The following CAPZB variants were observed in gnomAD, a reference collection of about 807,000 sequenced individuals.
CAPZB encodes the protein capping actin protein of muscle Z-line subunit beta, also known as F-actin-capping protein subunit beta.
In CAPZB, 2 loss-of-function variants were observed where a neutral mutation model predicts 38.1. The ratio of observed to expected loss-of-function variants is 0.05; its 90% CI spans 0.02 to 0.17. The LOEUF (loss-of-function observed/expected upper bound fraction) is 0.17. Among genes scored for constraint, CAPZB ranks in the 10% least tolerant of loss-of-function variants. CAPZB has a pLI of 1.00. For missense variants in CAPZB, 161 were observed against 334.2 expected (o/e 0.48, Z 4.04); for synonymous variants, 107 against 127.4 (o/e 0.84, Z 1.08).
In CAPZB at chr1:19,461,794, C is replaced by T. The variant is rs11576376; in HGVS notation, c.3+23642G>A. Among the ~76,000 whole-genome samples, 355 of 152,224 alleles carry T rather than the reference C, an allele frequency of 2.3e-3. 1 individual carries two copies. The highest frequency in any genetic ancestry group is 8.3e-3 in the African/African-American group (344 of 41,542). ...GGATCACCAGAAACATCATAACAGGCGAATTACCTACCCTCACTGAGCCTC... is the reference window on the plus strand; with the variant it reads ...GGATCACCAGAAACATCATAACAGGTGAATTACCTACCCTCACTGAGCCTC... On this transcript the variant is annotated intron_variant, in intron 1 of 8. Transcript: ENST00000264202.
intron 2 of CAPZB, among the ~76,000 whole-genome samples, chr1:19,402,871 A>C (rs2094310614): frequency 1.3e-5 from 2 of 152,118 alleles, no homozygotes; most frequent in Admixed American, 1.3e-4. Context: ...AACATGGTGA[A>C]ACTCCATCTC....
intron 4 of CAPZB, among the ~76,000 whole-genome samples, chr1:19,366,745 T>C (rs977141618): frequency 6.6e-6 from 1 of 152,146 alleles, no homozygotes; most frequent in Non-Finnish European, 1.5e-5. Context: ...ACTGATTTTA[T>C]GGCAAAGAGG....
chr1:19,366,650 T>C (rs965408299), intron 4 of CAPZB, among the ~76,000 whole-genome samples: 1 of 152,048 alleles, frequency 6.6e-6, no homozygotes, highest in Non-Finnish European at 1.5e-5. Context: ...ATGGCGCCAC[T>C]GCACTCCAGC....
intron 1 of CAPZB, among the ~76,000 whole-genome samples, chr1:19,435,684 C>G (rs1392154264): frequency 6.6e-6 from 1 of 152,162 alleles, no homozygotes; most frequent in Non-Finnish European, 1.5e-5. Flanking sequence ...GTCTCAGATG[C>G]AGAAACTGAG....
chr1:19,424,861 C>CATGT (rs2094416702), intron 1 of CAPZB, among the ~76,000 whole-genome samples: 1 of 152,260 alleles, frequency 6.6e-6, no homozygotes, highest in Admixed American at 6.5e-5. Flanking sequence ...AACTGGGCTA[C>CATGT]AGTTCAACAA....
In CAPZB at chr1:19,364,296, G is replaced by T. The variant is rs182702354; in HGVS notation, c.330-6733C>A. The stretch of plus-strand genomic sequence containing the variant: ...ATTCCAGGATTTGGTGGTTGCATCA[G>T]GGCCTGTATGAGGCAGACTGAGCAC... On this transcript the variant is annotated intron_variant, in intron 4 of 8. Transcript: ENST00000264202. Among the ~76,000 whole-genome samples, 123 of 152,350 alleles carry T rather than the reference G, an allele frequency of 8.1e-4. 2 individuals are homozygous for T. The South Asian group carries it at 0.023, about 28-fold the overall frequency.
intron 8 of CAPZB, among the ~76,000 whole-genome samples, chr1:19,341,586 T>G (rs899088669): frequency 6.6e-6 from 1 of 152,218 alleles, no homozygotes; most frequent in African/African-American, 2.4e-5. Flanking sequence ...TTGGAGACAG[T>G]GCTCGACTCT....
chr1:19,370,495 G>A (rs970767248), intron 4 of CAPZB, among the ~76,000 whole-genome samples: 2 of 152,188 alleles, frequency 1.3e-5, no homozygotes, highest in African/African-American at 2.4e-5. Flanking sequence ...TGGGCTTGAC[G>A]GCATGTGTGA....
chr1:19,350,519 A>C (rs1342426775), intron 6 of CAPZB, among the ~76,000 whole-genome samples: 1 of 152,264 alleles, frequency 6.6e-6, no homozygotes, highest in Non-Finnish European at 1.5e-5. Flanking sequence ...CTTCCCAGGG[A>C]AAGTTACGGT....
chr1:19,443,147 G>A (rs1252963897), intron 1 of CAPZB, among the ~76,000 whole-genome samples: 1 of 151,988 alleles, frequency 6.6e-6, no homozygotes, highest in East Asian at 1.9e-4. Flanking sequence ...AGCACTTTGT[G>A]AGGCCAAGCT....
intron 2 of CAPZB, among the ~76,000 whole-genome samples, chr1:19,396,355 C>T (rs2094268962): frequency 6.6e-6 from 1 of 152,228 alleles, no homozygotes; most frequent in South Asian, 2.1e-4. Flanking sequence ...CACTCTTCAG[C>T]ACCTCCCTTA....
chr1:19,462,669 A>G (rs929870823), intron 1 of CAPZB, among the ~76,000 whole-genome samples: 4 of 152,166 alleles, frequency 2.6e-5, no homozygotes, highest in Non-Finnish European at 5.9e-5. Context: ...TATTCACCTA[A>G]TGTGCTTCAA....
intron 1 of CAPZB, among the ~76,000 whole-genome samples, chr1:19,456,015 G>C (rs1245975313): frequency 6.6e-6 from 1 of 152,168 alleles, no homozygotes; most frequent in African/African-American, 2.4e-5. Context: ...GGGTTCAAGC[G>C]GTTCTCCTGC....
intron 1 of CAPZB, among the ~76,000 whole-genome samples, chr1:19,485,028 C>G (rs137887480): frequency 0.012 from 1,775 of 152,076 alleles, 46 homozygotes; most frequent in African/African-American, 0.04. Context: ...AAACGACGGC[C>G]TAGCCTGGGC....
rs575092296 is a variant in CAPZB, at chr1:19,368,808, G to A, written c.329+9732C>T. Among the ~76,000 whole-genome samples the A allele has an allele frequency of 5.3e-5, 8 of 152,124 alleles. No individual in the cohort carries two copies. In the South Asian group the frequency reaches 1.5e-3, roughly 28 times the overall value. ...TCAGCCCCCAGACACTGAGATTACA[G>A]GTGTGAGCCACTGTGCCCCACCGCA... On this transcript the variant is annotated intron_variant, in intron 4 of 8. Transcript: ENST00000264202.
chr1:19,383,988 C>G (rs2094190387), intron 3 of CAPZB, among the ~76,000 whole-genome samples: 1 of 152,130 alleles, frequency 6.6e-6, no homozygotes, highest in East Asian at 1.9e-4. Flanking sequence ...TGAAGGAGGG[C>G]AAAATATAAT....
At chr1:19,339,687 A>T in intron 8 of CAPZB, 70 bp from the exon 9 acceptor site, 3 of 1,160,776 alleles carry the variant, frequency 2.6e-6, no homozygotes, top group Non-Finnish European at 3.9e-6. Context: ...CCTGGGGGCC[A>T]CCATGCCAGT....
chr1:19,464,126 G>C (rs989511758), intron 1 of CAPZB, among the ~76,000 whole-genome samples: 5 of 151,548 alleles, frequency 3.3e-5, no homozygotes, highest in Non-Finnish European at 7.4e-5. Flanking sequence ...GACAGAGGTT[G>C]TAGTGAGCCA....
intron 1 of CAPZB, among the ~76,000 whole-genome samples, chr1:19,435,137 G>A (rs1035332695): frequency 6.6e-5 from 10 of 152,130 alleles, no homozygotes; most frequent in East Asian, 5.8e-4. Flanking sequence ...AGTCAAGGCC[G>A]CTCCTTTTTG....
Sources: gnomAD v4.1 joint callset for allele counts (sites outside exome capture counted in the v4.1 genomes callset) on GRCh38, gnomAD v4.1.1 for gene constraint, MANE v1.5 for transcripts, NCBI Gene and HGNC (gene_info 2026-07-23, HGNC 2026-07-21) for gene names.